The following AMBRA1 variants were observed in gnomAD, a reference collection of about 807,000 sequenced individuals.
AMBRA1 encodes autophagy and beclin 1 regulator 1, also known as activating molecule in BECN1-regulated autophagy protein 1.
AMBRA1 carries 47 observed loss-of-function variants against 125.4 expected under a neutral mutation model. The observed-to-expected ratio is 0.37, with a 90% CI of 0.30 to 0.48. The LOEUF (loss-of-function observed/expected upper bound fraction) is 0.48, where lower values mean the gene tolerates loss of function less well. Ranked by LOEUF, AMBRA1 falls within the 20% of genes least tolerant of loss-of-function variation. AMBRA1 has a pLI of 0.99. For missense variants in AMBRA1, 1,331 were observed against 1,693.4 expected, an observed-to-expected ratio of 0.79 and a Z score of 3.76; for synonymous variants, 626 against 655.5, an observed-to-expected ratio of 0.95 and a Z score of 0.69.
chr11:46,479,813 G>C (rs1472765213), intron 11 of AMBRA1, among the ~76,000 whole-genome samples: 27 of 152,110 alleles, frequency 1.8e-4, no homozygotes, highest in Non-Finnish European at 1.3e-4. Flanking sequence ...ATACATGTGT[G>C]AAACTATCTG....
intron 11 of AMBRA1, among the ~76,000 whole-genome samples, chr11:46,462,534 G>A (rs890460243): frequency 1.3e-5 from 2 of 152,002 alleles, no homozygotes; most frequent in African/African-American, 4.8e-5. Context: ...GGCCCTCCTC[G>A]ATCTGGACCT....
At chr11:46,560,018 C>T (rs767155024) in intron 1 of AMBRA1, among the ~76,000 whole-genome samples, 1 of 152,168 alleles carries the variant, frequency 6.6e-6, no homozygotes, top group Non-Finnish European at 1.5e-5. Flanking sequence ...CTCGCACCTA[C>T]AGTTCTAAGA....
chr11:46,433,367 G>A (rs993576940), intron 14 of AMBRA1, 107 bp downstream of exon 14: 1 of 1,381,682 alleles, frequency 7.2e-7, no homozygotes, highest in Admixed American at 2.3e-5. Context: ...CCTTATGACT[G>A]TGTGATAGCT....
intron 14 of AMBRA1, chr11:46,429,217 G>GCGGCC (rs1947328640): frequency 7.7e-7 from 1 of 1,299,156 alleles, no homozygotes; most frequent in African/African-American, 1.5e-5. Context: ...TCGCCTACCA[G>GCGGCC]CGGCCCCCTA....
chr11:46,583,725 C>T (rs1214762305), intron 1 of AMBRA1, among the ~76,000 whole-genome samples: 3 of 145,004 alleles, frequency 2.1e-5, no homozygotes, highest in Non-Finnish European at 3.0e-5. Context: ...CATGAACAGA[C>T]ACTTCTGAAA....
chr11:46,512,373 T>C (rs755580645), intron 8 of AMBRA1, among the ~76,000 whole-genome samples: 3 of 152,148 alleles, frequency 2.0e-5, no homozygotes, highest in Admixed American at 6.5e-5. Flanking sequence ...CCCTATAAAT[T>C]AAAAACATTT....
chr11:46,520,270 T>C (rs1354089243), intron 7 of AMBRA1, among the ~76,000 whole-genome samples: 1 of 152,170 alleles, frequency 6.6e-6, no homozygotes, highest in Non-Finnish European at 1.5e-5. Context: ...ACACATTCAA[T>C]TAGCCATCAG....
chr11:46,545,396 A>G (rs1952969092), intron 5 of AMBRA1, among the ~76,000 whole-genome samples: 1 of 152,024 alleles, frequency 6.6e-6, no homozygotes, highest in Non-Finnish European at 1.5e-5. Context: ...TAGGAGGCAG[A>G]GGTCGCAGTG....
chr11:46,397,472 C>T lies in AMBRA1; in HGVS notation c.3875G>A (p.Arg1292Lys), dbSNP rs1945509288. 1 of 1,516,890 alleles carries T rather than the reference C, an allele frequency of 6.6e-7. No homozygotes were observed. The highest frequency in any genetic ancestry group is 8.8e-7 in the Non-Finnish European group (1 of 1,131,978). The allele number at this position is 1,516,890 out of a possible 1,614,324, so 94.0% of individuals were successfully genotyped here. ...GSSRGDAAGP[R>K]GEPRNR Reference sequence around the variant, plus strand: ...TCTCTACCTGTTCCGTGGTTCTCCCCTAGGGCCTGCAGCGTCCCCCCTGCT... The same window carrying T: ...TCTCTACCTGTTCCGTGGTTCTCCCTTAGGGCCTGCAGCGTCCCCCCTGCT... The change falls in exon 18 of 18, where the codon AGG (arginine) becomes AAG (lysine). Residue 1292 changes from arginine to lysine, a missense_variant. Coordinates refer to ENST00000683756, the MANE Select transcript of AMBRA1 (RefSeq NM_001387011.1).
intron 11 of AMBRA1, among the ~76,000 whole-genome samples, chr11:46,447,756 ATAGATAGATAGATAGATAGATAGT>A: frequency 7.2e-6 from 1 of 138,636 alleles, no homozygotes; most frequent in Non-Finnish European, 1.7e-5. Flanking sequence ...AGATAGATAG[ATAGATAGATAGATAGATAGATAGT>A]GATGGCAAAT....
chr11:46,428,549 G>T, intron 14 of AMBRA1: 1 of 1,033,280 alleles, frequency 9.7e-7, no homozygotes, highest in Non-Finnish European at 1.4e-6. Flanking sequence ...GATCTGCAGC[G>T]ATTAGGCAAT....
At chr11:46,526,159 C>T (rs912467725) in intron 7 of AMBRA1, among the ~76,000 whole-genome samples, 7 of 151,844 alleles carry the variant, frequency 4.6e-5, no homozygotes, top group African/African-American at 1.7e-4. Context: ...GACCTGAGAT[C>T]GCATTGTTTG....
At chr11:46,573,790 A>G (rs1382790175) in intron 1 of AMBRA1, among the ~76,000 whole-genome samples, 2 of 148,888 alleles carry the variant, frequency 1.3e-5, no homozygotes, top group African/African-American at 5.0e-5. Context: ...AGCATTAGGT[A>G]TACCTCCCAA....
At position 46,564,158 on chromosome 11, in the gene AMBRA1, A is replaced by C. The variant is rs200264033; in HGVS notation, c.-120-15658T>G. Among the ~76,000 whole-genome samples, 4 of 151,582 alleles carry C rather than the reference A, an allele frequency of 2.6e-5. No homozygotes were observed. In the East Asian group the frequency reaches 7.7e-4, roughly 29 times the overall value. ...AAACTCCGTCTCAAAAAAAAAAAAAAAAAAAACGTAAGAGCAATCTTAAAG... is the reference window on the plus strand; with the variant it reads ...AAACTCCGTCTCAAAAAAAAAAAAACAAAAAACGTAAGAGCAATCTTAAAG... On this transcript the variant is annotated intron_variant, in intron 1 of 17. Transcript: ENST00000683756.
intron 1 of AMBRA1, among the ~76,000 whole-genome samples, chr11:46,589,338 C>A (rs1310016396): frequency 6.6e-6 from 1 of 152,188 alleles, no homozygotes; most frequent in Non-Finnish European, 1.5e-5. Context: ...ACAGGACAGG[C>A]TGTACCACAG....
chr11:46,558,269 C>T (rs1032777221), intron 1 of AMBRA1, among the ~76,000 whole-genome samples: 5 of 152,062 alleles, frequency 3.3e-5, no homozygotes, highest in Admixed American at 1.3e-4. Context: ...AACCTAATAT[C>T]ACCGGGCGCA....
chr11:46,519,524 TG>T (rs1951667621), intron 7 of AMBRA1, among the ~76,000 whole-genome samples: 1 of 152,188 alleles, frequency 6.6e-6, no homozygotes, highest in Admixed American at 6.5e-5. Flanking sequence ...CTCCAACCAC[TG>T]GAAACAATCA....
At chr11:46,496,669 A>G (rs910713295) in intron 9 of AMBRA1, among the ~76,000 whole-genome samples, 1 of 152,210 alleles carries the variant, frequency 6.6e-6, no homozygotes, top group Non-Finnish European at 1.5e-5. Flanking sequence ...AAAGAACACA[A>G]GAAGACAACA....
At chr11:46,399,602 C>T (rs1437352497) in intron 17 of AMBRA1, among the ~76,000 whole-genome samples, 1 of 151,126 alleles carries the variant, frequency 6.6e-6, no homozygotes, top group Non-Finnish European at 1.5e-5. Flanking sequence ...TGACTTCAGG[C>T]GATCCGCCCA....
Sources: gnomAD v4.1 joint callset for allele counts (sites outside exome capture counted in the v4.1 genomes callset) on GRCh38, gnomAD v4.1.1 for gene constraint, MANE v1.5 for transcripts, NCBI Gene and HGNC (gene_info 2026-07-23, HGNC 2026-07-21) for gene names.